TBRG1: variants seen among roughly 807,000 people sequenced by gnomAD.
The protein encoded by TBRG1 is transforming growth factor beta regulator 1, also known as nuclear interactor of ARF and MDM2.
A neutral mutation model predicts 44.0 loss-of-function variants in TBRG1; 31 were observed. The observed-to-expected ratio is 0.70, with a 90% confidence interval of 0.53 to 0.95. The LOEUF is 0.95. Ranked by LOEUF, TBRG1 falls within the 40% of genes least tolerant of loss-of-function variation. The probability of loss-of-function intolerance (pLI) is 0.00; values close to 1 mark genes in which losing one functional copy is unlikely to be tolerated. For missense variants in TBRG1, 487 were observed against 496.1 expected, an observed-to-expected ratio of 0.98 and a Z score of 0.18; for synonymous variants, 171 against 188.1, an observed-to-expected ratio of 0.91 and a Z score of 0.74.
Position 124,628,065 on chromosome 11 carries a change from TTATATATATATATATATATATATATA to T in TBRG1, c.738+1042_738+1067del, listed in dbSNP as rs71042445. On this transcript the variant is annotated intron_variant, in intron 5 of 8. Coordinates refer to ENST00000441174, the MANE Select transcript of TBRG1 (RefSeq NM_032811.3). ...TTCCAACTAACGTCAAGTAGCTGTT[TTATATATATATATATATATATATATA>T]TATATATATATATATATATATATAT... Among the ~76,000 whole-genome samples the T allele has an allele frequency of 2.8e-3, 193 of 69,844 alleles. 2 individuals carry two copies. Among genetic ancestry groups the T allele is most frequent in the African/African-American group, 7.1e-3 (162 of 22,788 alleles). 45.8% of individuals were successfully genotyped at this position (69,844 alleles called of 152,430 possible).
chr11:124,631,197 C>T, intron 7 of TBRG1, 78 bp from the exon 8 acceptor site: 1 of 1,381,940 alleles, frequency 7.2e-7, no homozygotes, highest in Non-Finnish European at 9.8e-7. Context: ...AGAAAAATTA[C>T]CTGATCCCTT....
chr11:124,624,226 A>G (rs1212007679), intron 1 of TBRG1, among the ~76,000 whole-genome samples: 1 of 152,178 alleles, frequency 6.6e-6, no homozygotes, highest in Non-Finnish European at 1.5e-5. Flanking sequence ...GTTCCATCAA[A>G]TACATAATGA....
Position 124,623,115 on chromosome 11 carries a change from C to G in TBRG1, c.32C>G (p.Pro11Arg). The change falls in exon 1 of 9, where the codon CCG becomes CGG. Residue 11 changes from proline (P) to arginine (R), a missense_variant. Pro to Arg is a moderately radical substitution (Grantham distance 103). Transcript: ENST00000441174. ...CTGCTGGACGGCCTCGCTTCCTCGC[C>G]GCGGGCTCCGCTGCAGTCCAGCAAG... MSLLDGLASS[P>R]RAPLQSSKAR... 6.4e-7 allele frequency: 1 copy of G among 1,551,074 alleles called. No homozygotes were observed. The highest frequency in any genetic ancestry group is 8.7e-7 in the Non-Finnish European group (1 of 1,146,926).
Position 124,624,942 on chromosome 11 carries a change from T to A in TBRG1, c.162T>A (p.Ala54=), listed in dbSNP as rs1231042228. The change falls in exon 2 of 9, where the codon GCT becomes GCA. Residue 54 remains alanine (A), a synonymous_variant. Coordinates refer to ENST00000441174, the MANE Select transcript of TBRG1 (RefSeq NM_032811.3). ...ATTTTTACTTAAAGGAAAATGCTGC[T>A]ATTTGTGATGAAATTGCTCGTCTTG... The part of the protein sequence containing the change: ...AAKATVFENA[A]ICDEIARLEE... 1.3e-6 allele frequency: 2 copies of A among 1,542,610 alleles called. No individual in the cohort carries two copies. The highest frequency in any genetic ancestry group is 2.4e-5 in the South Asian group (2 of 82,954).
rs760222701 is a variant in TBRG1, at chr11:124,625,705, C to G, written c.256C>G (p.Leu86Val). 5.2e-6 allele frequency: 8 copies of G among 1,553,178 alleles called. No homozygotes were observed. Among genetic ancestry groups the G allele is most frequent in the Non-Finnish European group, 7.0e-6 (8 of 1,147,676 alleles). The change falls in exon 3 of 9, where the codon CTA (leucine) becomes GTA (valine). Residue 86 changes from leucine to valine, a missense_variant. By Grantham distance (32) the Leu-to-Val change is conservative (BLOSUM62 1). Transcript: ENST00000441174. ...LLKKLLQLQA[L>V]TEGEVQAAAP... ...AAAGAAGCTCCTCCAGCTTCAGGCT[C>G]TAACTGAAGGGGAAGTACAGGCTGC...
At position 124,631,292 on chromosome 11, in the gene TBRG1, T is replaced by G; in HGVS notation, c.965T>G (p.Phe322Cys). ...RKCINYQWVK[F>C]DVCKPGDGQL... ...TTCTGCAGTTACCAGTGGGTGAAAT[T>G]TGATGTGTGCAAACCTGGAGATGGG... Residue 322 changes from phenylalanine (F) to cysteine (C), a missense_variant, in exon 8 of 9, where the codon TTT becomes TGT. Phe to Cys is a radical substitution (Grantham distance 205). Coordinates refer to ENST00000441174, the MANE Select transcript of TBRG1 (RefSeq NM_032811.3). The G allele has an allele frequency of 6.3e-7, 1 of 1,587,838 alleles. No individual in the cohort carries two copies. Among genetic ancestry groups the G allele is most frequent in the South Asian group, 1.2e-5 (1 of 86,450 alleles).
intron 8 of TBRG1, 136 bp from the exon 9 acceptor site, chr11:124,631,957 T>C (rs1331532936): frequency 1.4e-6 from 1 of 733,372 alleles, no homozygotes; most frequent in African/African-American, 1.7e-5. Context: ...ATCTGTCCTA[T>C]CTTAACAAAG....
intron 2 of TBRG1, 99 bp downstream of exon 2, chr11:124,625,100 G>T: frequency 1.2e-6 from 1 of 824,516 alleles, no homozygotes; most frequent in Non-Finnish European, 2.0e-6. Context: ...TTCCCAGTGG[G>T]ATTGATGCGT....
At chr11:124,624,314 G>T (rs943586625) in intron 1 of TBRG1, among the ~76,000 whole-genome samples, 2 of 136,836 alleles carry the variant, frequency 1.5e-5, no homozygotes, top group African/African-American at 5.5e-5. Context: ...TTCAGATTCA[G>T]CATTCCCTTC....
chr11:124,623,943 A>T (rs140862391), intron 1 of TBRG1, among the ~76,000 whole-genome samples: 297 of 152,318 alleles, frequency 1.9e-3, no homozygotes, highest in East Asian at 9.1e-3. Flanking sequence ...GTCCCCCCAC[A>T]TCCAAGTCAA....
chr11:124,628,541 A>G (rs112561955), intron 5 of TBRG1, among the ~76,000 whole-genome samples: 1,666 of 139,408 alleles, frequency 0.012, 36 homozygotes, highest in African/African-American at 0.038. Context: ...AAAAAAAAAA[A>G]CCCACAGGCA....
intron 7 of TBRG1, chr11:124,631,062 A>T: frequency 1.6e-6 from 1 of 634,552 alleles, no homozygotes; most frequent in Non-Finnish European, 2.7e-6. Flanking sequence ...TATTTTCTGT[A>T]TGTACCATGA....
intron 4 of TBRG1, 111 bp downstream of exon 4, chr11:124,626,720 C>A (rs1591373885): frequency 2.1e-6 from 3 of 1,428,500 alleles, no homozygotes; most frequent in African/African-American, 1.4e-5. Flanking sequence ...TCCATACCAA[C>A]CCCAGCGTAT....
chr11:124,631,959 T>C (rs1327916893), intron 8 of TBRG1, 134 bp from the exon 9 acceptor site: 2 of 759,718 alleles, frequency 2.6e-6, no homozygotes, highest in South Asian at 1.7e-5. Context: ...CTGTCCTATC[T>C]TAACAAAGGC....
In TBRG1 at chr11:124,624,977, T is replaced by G; in HGVS notation, c.197T>G (p.Phe66Cys). 3 of 1,550,054 alleles carry G rather than the reference T, an allele frequency of 1.9e-6. No homozygotes were observed. The highest frequency in any genetic ancestry group is 2.6e-6 in the Non-Finnish European group (3 of 1,146,092). ...CDEIARLEEK[F>C]LKAKEERRYL... ...GAAATTGCTCGTCTTGAGGAAAAATTTCTTAAAGCAAAAGAAGAAAGAAGG... is the reference window on the plus strand; with the variant it reads ...GAAATTGCTCGTCTTGAGGAAAAATGTCTTAAAGCAAAAGAAGAAAGAAGG... The change falls in exon 2 of 9, where the codon TTT becomes TGT. Residue 66 changes from phenylalanine (F) to cysteine (C), a missense_variant. Transcript: ENST00000441174.
At chr11:124,625,327 C>T (rs1425503875) in intron 2 of TBRG1, among the ~76,000 whole-genome samples, 1 of 152,220 alleles carries the variant, frequency 6.6e-6, no homozygotes. Flanking sequence ...AAGCAACTGC[C>T]TCTCGTTCTA....
At position 124,633,335 on chromosome 11, in the gene TBRG1, G is replaced by A. The variant is rs1455036481; in HGVS notation, c.*1097G>A. 6.6e-6 allele frequency: 1 copy of A among 152,160 alleles called. No homozygotes were observed. Among genetic ancestry groups the A allele is most frequent in the Non-Finnish European group, 1.5e-5 (1 of 68,036 alleles). The allele number at this position is 152,160 out of a possible 1,614,324, so 9.4% of individuals were successfully genotyped here. On this transcript the variant is annotated 3_prime_UTR_variant, in exon 9 of 9. Coordinates refer to ENST00000441174, the MANE Select transcript of TBRG1 (RefSeq NM_032811.3). ...CCCTGTTAATAGCATTAAGGTAGAG[G>A]TTTACTCTATCACCTAACACCTCAA...
In TBRG1 at chr11:124,624,982, A is replaced by G. The variant is rs1942429992; in HGVS notation, c.202A>G (p.Lys68Glu). 2 of 1,549,052 alleles carry G rather than the reference A, an allele frequency of 1.3e-6. No individual in the cohort carries two copies. Among genetic ancestry groups the G allele is most frequent in the Admixed American group, 3.9e-5 (2 of 50,792 alleles). The change falls in exon 2 of 9, where the codon AAA (lysine) becomes GAA (glutamate). Residue 68 changes from lysine to glutamate, a missense_variant. Coordinates refer to ENST00000441174, the MANE Select transcript of TBRG1 (RefSeq NM_032811.3). ...EIARLEEKFL[K>E]AKEERRYLLK... is the part of the protein sequence containing the mutation. ...TGCTCGTCTTGAGGAAAAATTTCTT[A>G]AAGCAAAAGAAGAAAGAAGGTGAGC...
Position 124,623,040 on chromosome 11 carries a change from C to A in TBRG1, c.-44C>A. On this transcript the variant is annotated 5_prime_UTR_variant, in exon 1 of 9. Transcript: ENST00000441174. ...TCCCGCCCGCTCCCCGACTTAGGAT[C>A]CGATGCCGGCAGCGTCCTGGGGCCC... 1 of 1,494,290 alleles carries A rather than the reference C, an allele frequency of 6.7e-7. No individual in the cohort carries two copies. Among genetic ancestry groups the A allele is most frequent in the Non-Finnish European group, 8.9e-7 (1 of 1,123,522 alleles). 92.6% of individuals were successfully genotyped at this position (1,494,290 alleles called of 1,614,324 possible).
Sources: allele counts gnomAD v4.1 joint callset (sites outside exome capture counted in the v4.1 genomes callset), GRCh38; gene constraint gnomAD v4.1.1; transcripts MANE v1.5; gene names NCBI Gene and HGNC (gene_info 2026-07-23, HGNC 2026-07-21).